DLG2: variants seen among roughly 807,000 people sequenced by gnomAD.
DLG2 encodes the protein disks large homolog 2.
DLG2 carries 45 observed loss-of-function variants against 132.5 expected under a neutral mutation model. The ratio of observed to expected loss-of-function variants is 0.34; its 90% confidence interval spans 0.27 to 0.44. DLG2 has a LOEUF of 0.44. Ranked by LOEUF, DLG2 falls within the 20% of genes least tolerant of loss-of-function variation. The probability of loss-of-function intolerance (pLI) is 1.00; values close to 1 mark genes in which losing one functional copy is unlikely to be tolerated. For synonymous variants in DLG2, 424 were observed against 419.6 expected, an observed-to-expected ratio of 1.01 and a Z score of -0.13; for missense variants, 1,045 against 1,196.9, an observed-to-expected ratio of 0.87 and a Z score of 1.87.
At chr11:83,499,562 T>C (rs2094332816) in intron 21 of DLG2, among the ~76,000 whole-genome samples, 2 of 151,454 alleles carry the variant, frequency 1.3e-5, no homozygotes, top group Non-Finnish European at 2.9e-5. Context: ...TAATAACTGG[T>C]CCCAAGAATG....
intron 6 of DLG2, among the ~76,000 whole-genome samples, chr11:84,645,914 G>T (rs960792989): frequency 6.6e-6 from 1 of 152,166 alleles, no homozygotes. Flanking sequence ...AGGAAACCTG[G>T]TTCACAACAT....
At chr11:83,843,668 T>A (rs534361240) in intron 16 of DLG2, among the ~76,000 whole-genome samples, 1 of 152,116 alleles carries the variant, frequency 6.6e-6, no homozygotes, top group Non-Finnish European at 1.5e-5. Context: ...TCTGGCTCTC[T>A]TGGGATATGT....
At chr11:84,051,917 G>GA (rs901481014) in intron 11 of DLG2, among the ~76,000 whole-genome samples, 1 of 151,624 alleles carries the variant, frequency 6.6e-6, no homozygotes, top group African/African-American at 2.4e-5. Flanking sequence ...GAACCAAAAG[G>GA]AAAAAAAGGA....
At chr11:83,756,842 A>G (rs1250097677) in intron 18 of DLG2, among the ~76,000 whole-genome samples, 1 of 152,168 alleles carries the variant, frequency 6.6e-6, no homozygotes, top group East Asian at 1.9e-4. Context: ...CAACATTTGT[A>G]TGAGAAAAAC....
At chr11:85,431,579 G>A (rs2091186204) in intron 3 of DLG2, among the ~76,000 whole-genome samples, 1 of 152,244 alleles carries the variant, frequency 6.6e-6, no homozygotes. Flanking sequence ...TAAGCCAGTT[G>A]AGCTCCTTGG....
intron 21 of DLG2, among the ~76,000 whole-genome samples, chr11:83,512,131 A>G (rs1195255229): frequency 2.6e-5 from 4 of 152,116 alleles, no homozygotes; most frequent in African/African-American, 9.7e-5. Context: ...TGAGTAGGAA[A>G]TTGTTAGGTA....
At chr11:83,997,653 C>A (rs1198689100) in intron 11 of DLG2, among the ~76,000 whole-genome samples, 12 of 130,510 alleles carry the variant, frequency 9.2e-5, no homozygotes, top group African/African-American at 3.4e-4. Flanking sequence ...ATTGCTTGAA[C>A]CCAGGAGGCG....
chr11:83,477,056 T>C (rs1269766576), intron 22 of DLG2, among the ~76,000 whole-genome samples: 1 of 152,092 alleles, frequency 6.6e-6, no homozygotes, highest in African/African-American at 2.4e-5. Context: ...TCAAGATCCT[T>C]GTTTTGAAAA....
intron 3 of DLG2, among the ~76,000 whole-genome samples, chr11:85,551,517 T>G (rs1485655454): frequency 2.0e-5 from 3 of 152,092 alleles, no homozygotes; most frequent in Non-Finnish European, 4.4e-5. Flanking sequence ...AGATCTAAAC[T>G]ATTATGCATA....
At chr11:85,378,466 T>G (rs2085610629) in intron 3 of DLG2, among the ~76,000 whole-genome samples, 1 of 152,282 alleles carries the variant, frequency 6.6e-6, no homozygotes, top group East Asian at 1.9e-4. Context: ...TGATTATACC[T>G]ATTTTCTAGT....
chr11:85,359,665 G>A (rs1268014285), intron 3 of DLG2, among the ~76,000 whole-genome samples: 1 of 152,108 alleles, frequency 6.6e-6, no homozygotes, highest in East Asian at 1.9e-4. Flanking sequence ...TATAATTAGA[G>A]AGCTGACAGT....
chr11:83,944,987 G>C (rs1475646526), intron 14 of DLG2, among the ~76,000 whole-genome samples: 3 of 152,158 alleles, frequency 2.0e-5, no homozygotes, highest in African/African-American at 7.2e-5. Flanking sequence ...AAGTAGAGGA[G>C]GGAAATGGTT....
intron 18 of DLG2, among the ~76,000 whole-genome samples, chr11:83,712,302 A>G (rs11233726): frequency 0.21 from 31,999 of 152,096 alleles, 3,621 homozygotes; most frequent in African/African-American, 0.26. Context: ...AATGTCGTAC[A>G]TATACACCAC....
chr11:84,055,977 A>C (rs1303913445), intron 11 of DLG2, among the ~76,000 whole-genome samples: 1 of 152,154 alleles, frequency 6.6e-6, no homozygotes, highest in Admixed American at 6.6e-5. Flanking sequence ...AATTCAATCC[A>C]GTTAGCTCAG....
chr11:85,408,237 C>G (rs897095156), intron 3 of DLG2, among the ~76,000 whole-genome samples: 2 of 149,368 alleles, frequency 1.3e-5, no homozygotes, highest in South Asian at 2.1e-4. Context: ...ATTCAAAATA[C>G]AGAGTTTAAT....
intron 3 of DLG2, among the ~76,000 whole-genome samples, chr11:85,289,318 G>A (rs1057325026): frequency 6.6e-6 from 1 of 151,944 alleles, no homozygotes; most frequent in Non-Finnish European, 1.5e-5. Flanking sequence ...CCAGAGTTCA[G>A]GCCCTCGCCA....
intron 4 of DLG2, among the ~76,000 whole-genome samples, chr11:85,181,889 G>A (rs1324525419): frequency 6.6e-6 from 1 of 151,428 alleles, no homozygotes; most frequent in Non-Finnish European, 1.5e-5. Flanking sequence ...TCCAGGAAAT[G>A]CTCTCTTCAC....
chr11:85,460,838 G>A (rs1364849248), intron 3 of DLG2, among the ~76,000 whole-genome samples: 1 of 152,188 alleles, frequency 6.6e-6, no homozygotes, highest in East Asian at 1.9e-4. Context: ...TAGACATCTT[G>A]TAATTTATGT....
At chr11:85,593,379 T>C (rs1192080562) in intron 3 of DLG2, among the ~76,000 whole-genome samples, 1 of 152,208 alleles carries the variant, frequency 6.6e-6, no homozygotes, top group Non-Finnish European at 1.5e-5. Flanking sequence ...AAGTACCATT[T>C]GCTGAGCCCT....
Sources: gnomAD v4.1 joint callset for allele counts (sites outside exome capture counted in the v4.1 genomes callset) on GRCh38, gnomAD v4.1.1 for gene constraint, MANE v1.5 for transcripts, NCBI Gene and HGNC (gene_info 2026-07-23, HGNC 2026-07-21) for gene names.